The following ATRNL1 variants were observed in gnomAD, a reference collection of about 807,000 sequenced individuals.
The protein encoded by ATRNL1 is attractin-like protein 1.
ATRNL1 carries 95 observed loss-of-function variants against 182.7 expected under a neutral mutation model. That is an observed-to-expected ratio of 0.52 (90% CI 0.44 to 0.62). The LOEUF (loss-of-function observed/expected upper bound fraction) is 0.62. Ranked by LOEUF, ATRNL1 falls within the 20% of genes least tolerant of loss-of-function variation. The probability of loss-of-function intolerance (pLI) is 0.00; values close to 1 mark genes in which losing one functional copy is unlikely to be tolerated. For missense variants in ATRNL1, 1,471 were observed against 1,679.5 expected (o/e 0.88, Z 2.17); for synonymous variants, 576 against 568.3 (o/e 1.01, Z -0.19).
intron 18 of ATRNL1, among the ~76,000 whole-genome samples, chr10:115,322,846 A>C (rs1005182276): frequency 2.6e-5 from 4 of 152,102 alleles, no homozygotes; most frequent in African/African-American, 9.7e-5. Flanking sequence ...ATTTAAAATC[A>C]GTTGTTAATC....
chr10:115,512,865 T>C (rs930908461), intron 24 of ATRNL1, among the ~76,000 whole-genome samples: 29 of 152,060 alleles, frequency 1.9e-4, no homozygotes, highest in African/African-American at 6.3e-4. Flanking sequence ...GCAAGCCATG[T>C]GAAGACCAGT....
intron 13 of ATRNL1, among the ~76,000 whole-genome samples, chr10:115,279,704 C>G (rs1174048677): frequency 1.3e-5 from 2 of 152,292 alleles, no homozygotes; most frequent in South Asian, 2.1e-4. Context: ...TTTAGGGATA[C>G]TTAGACTTGC....
chr10:115,176,550 C>T (rs1467295611), intron 8 of ATRNL1, among the ~76,000 whole-genome samples: 2 of 151,978 alleles, frequency 1.3e-5, no homozygotes, highest in Non-Finnish European at 2.9e-5. Context: ...ATAGTATTTG[C>T]TGAGGGTTTA....
At chr10:115,235,468 A>T (rs1415483558) in intron 9 of ATRNL1, among the ~76,000 whole-genome samples, 3 of 151,984 alleles carry the variant, frequency 2.0e-5, no homozygotes, top group Non-Finnish European at 2.9e-5. Context: ...TTTTGTATGT[A>T]TGGAATTGTA....
At chr10:115,663,640 C>T (rs1419504034) in intron 26 of ATRNL1, among the ~76,000 whole-genome samples, 2 of 151,722 alleles carry the variant, frequency 1.3e-5, no homozygotes, top group Non-Finnish European at 2.9e-5. Flanking sequence ...GCAGCAAATC[C>T]TATAGGAGTT....
At chr10:115,759,515 A>C (rs1426849998) in intron 27 of ATRNL1, among the ~76,000 whole-genome samples, 4 of 152,244 alleles carry the variant, frequency 2.6e-5, no homozygotes, top group African/African-American at 9.6e-5. Context: ...ATTAGTGAGA[A>C]CGAATGAGTG....
chr10:115,732,158 A>G (rs1947818088), intron 27 of ATRNL1, among the ~76,000 whole-genome samples: 1 of 152,196 alleles, frequency 6.6e-6, no homozygotes, highest in South Asian at 2.1e-4. Flanking sequence ...AAACATGTTT[A>G]CATTTTTTTG....
At position 115,944,830 on chromosome 10, in the gene ATRNL1, G is replaced by C. The variant is rs782169136; in HGVS notation, c.*51G>C. The C allele has an allele frequency of 6.4e-7, 1 of 1,569,016 alleles. No homozygotes were observed. Among genetic ancestry groups the C allele is most frequent in the Non-Finnish European group, 8.6e-7 (1 of 1,156,406 alleles). On this transcript the variant is annotated 3_prime_UTR_variant, in exon 29 of 29. Coordinates refer to ENST00000355044, the MANE Select transcript of ATRNL1 (RefSeq NM_207303.4). Reference sequence around the variant, plus strand: ...CTGTACTGTTTTACTTCGGGCTTCTGTTAAAGCTGTTCTATGGCCTTGGAT... The same window carrying C: ...CTGTACTGTTTTACTTCGGGCTTCTCTTAAAGCTGTTCTATGGCCTTGGAT...
intron 26 of ATRNL1, among the ~76,000 whole-genome samples, chr10:115,564,878 C>A (rs1384327626): frequency 4.0e-5 from 6 of 151,892 alleles, no homozygotes; most frequent in African/African-American, 1.2e-4. Flanking sequence ...TTGCATGTAA[C>A]TGTAAAGTTC....
intron 26 of ATRNL1, among the ~76,000 whole-genome samples, chr10:115,552,939 G>A (rs1032344683): frequency 1.2e-4 from 18 of 151,122 alleles, no homozygotes; most frequent in African/African-American, 2.4e-4. Context: ...TTTTTACAGC[G>A]GTATTAAAAA....
intron 24 of ATRNL1, among the ~76,000 whole-genome samples, chr10:115,502,904 G>T (rs1399776792): frequency 6.6e-6 from 1 of 151,996 alleles, no homozygotes; most frequent in Non-Finnish European, 1.5e-5. Flanking sequence ...TTAAAAAAAG[G>T]CCCTAACAGT....
intron 27 of ATRNL1, among the ~76,000 whole-genome samples, chr10:115,798,184 T>C (rs1949704108): frequency 6.6e-6 from 1 of 152,198 alleles, no homozygotes; most frequent in South Asian, 2.1e-4. Context: ...CCCCAAGTGC[T>C]GGGATTACAG....
At chr10:115,911,291 C>T (rs1368619371) in intron 28 of ATRNL1, among the ~76,000 whole-genome samples, 1 of 151,848 alleles carries the variant, frequency 6.6e-6, no homozygotes, top group Non-Finnish European at 1.5e-5. Flanking sequence ...TGAGCCACCA[C>T]GCCCGGCCTA....
At chr10:115,134,816 A>T (rs1845428540) in intron 5 of ATRNL1, among the ~76,000 whole-genome samples, 1 of 152,202 alleles carries the variant, frequency 6.6e-6, no homozygotes, top group Non-Finnish European at 1.5e-5. Context: ...ATCCAGCAAC[A>T]CATCAAAAAG....
At chr10:115,581,470 T>A (rs1374908361) in intron 26 of ATRNL1, among the ~76,000 whole-genome samples, 2 of 152,128 alleles carry the variant, frequency 1.3e-5, no homozygotes, top group African/African-American at 4.8e-5. Flanking sequence ...CACACTCTGA[T>A]CTAGATGCAT....
chr10:115,597,834 C>G (rs1261447025), intron 26 of ATRNL1: 7 of 292,766 alleles, frequency 2.4e-5, no homozygotes, highest in African/African-American at 1.1e-4. Context: ...CGCGCCGGGC[C>G]TCTATGTGAA....
intron 26 of ATRNL1, among the ~76,000 whole-genome samples, chr10:115,642,171 A>C (rs2133859381): frequency 6.6e-6 from 1 of 152,306 alleles, no homozygotes; most frequent in East Asian, 1.9e-4. Flanking sequence ...CAAGGCCAAA[A>C]TATAAAATCA....
chr10:115,664,535 A>T (rs1182942930), intron 26 of ATRNL1, among the ~76,000 whole-genome samples: 1 of 152,150 alleles, frequency 6.6e-6, no homozygotes, highest in African/African-American at 2.4e-5. Flanking sequence ...ACGGTGTATA[A>T]ATAAGCATAC....
At chr10:115,151,502 T>A (rs1564777831) in intron 5 of ATRNL1, among the ~76,000 whole-genome samples, 1 of 152,242 alleles carries the variant, frequency 6.6e-6, no homozygotes, top group Non-Finnish European at 1.5e-5. Context: ...ATGTGTCTGT[T>A]GACTGCCTAA....
Sources: gnomAD v4.1 joint callset for allele counts (sites outside exome capture counted in the v4.1 genomes callset) on GRCh38, gnomAD v4.1.1 for gene constraint, MANE v1.5 for transcripts, NCBI Gene and HGNC (gene_info 2026-07-23, HGNC 2026-07-21) for gene names.